Variants in THEMIS observed in about 807,000 individuals in gnomAD.
THEMIS encodes protein THEMIS.
THEMIS carries 37 observed loss-of-function variants against 52.6 expected under a neutral mutation model. The ratio of observed to expected loss-of-function variants is 0.70; its 90% CI spans 0.54 to 0.93. THEMIS has a LOEUF of 0.93. Among genes scored for constraint, THEMIS ranks in the 40% least tolerant of loss-of-function variants. THEMIS has a pLI of 0.00. For synonymous variants in THEMIS, 292 were observed against 272.7 expected, an observed-to-expected ratio of 1.07 and a Z score of -0.70; for missense variants, 808 against 763.1, an observed-to-expected ratio of 1.06 and a Z score of -0.69.
intron 3 of THEMIS, among the ~76,000 whole-genome samples, chr6:127,817,682 C>G (rs1489573576): frequency 6.6e-6 from 1 of 152,076 alleles, no homozygotes; most frequent in Non-Finnish European, 1.5e-5. Context: ...AAACCACCAC[C>G]CCAAAAACTA....
At chr6:127,772,358 G>A (rs1367625429) in intron 4 of THEMIS, among the ~76,000 whole-genome samples, 2 of 151,706 alleles carry the variant, frequency 1.3e-5, no homozygotes, top group African/African-American at 4.8e-5. Context: ...GAATATTCTT[G>A]AATTTTAGTG....
chr6:127,878,785 T>A (rs867163592), intron 1 of THEMIS, among the ~76,000 whole-genome samples: 9 of 152,342 alleles, frequency 5.9e-5, no homozygotes, highest in South Asian at 2.1e-4. Context: ...TCTAAAAACA[T>A]GATGCTTTCT....
At chr6:127,879,709 AAAAG>A (rs1780419454) in intron 1 of THEMIS, among the ~76,000 whole-genome samples, 2 of 151,872 alleles carry the variant, frequency 1.3e-5, no homozygotes, top group East Asian at 1.9e-4. Flanking sequence ...AGGGTGTAGA[AAAAG>A]AAAGAAAAAA....
At chr6:127,832,591 A>T (rs1583328466) in intron 2 of THEMIS, among the ~76,000 whole-genome samples, 1 of 152,046 alleles carries the variant, frequency 6.6e-6, no homozygotes, top group Non-Finnish European at 1.5e-5. Context: ...CTTTTTTTTC[A>T]TCTTTTTCTC....
chr6:127,750,431 T>C (rs1235438796), intron 4 of THEMIS, among the ~76,000 whole-genome samples: 1 of 151,774 alleles, frequency 6.6e-6, no homozygotes, highest in Non-Finnish European at 1.5e-5. Flanking sequence ...GTATGATCAA[T>C]TTGAAAAAGA....
intron 2 of THEMIS, among the ~76,000 whole-genome samples, chr6:127,851,111 A>T (rs1237671786): frequency 6.6e-6 from 1 of 151,538 alleles, no homozygotes; most frequent in Admixed American, 6.6e-5. Context: ...GGCAGAGGAA[A>T]AAAAGTATAA....
At position 127,745,111 on chromosome 6, in the gene THEMIS, C is replaced by T. The variant is rs555320204; in HGVS notation, c.1759-25288G>A. Among the ~76,000 whole-genome samples the T allele has an allele frequency of 2.0e-5, 3 of 152,040 alleles. No individual in the cohort carries two copies. The East Asian group carries it at 5.8e-4, about 29-fold the overall frequency. ...CTTAGAGATATTTAAACAATACTCT[C>T]TTTAATGCCACAAAACAATCAGACA... On this transcript the variant is annotated intron_variant, in intron 4 of 5. Coordinates refer to ENST00000368248, the MANE Select transcript of THEMIS (RefSeq NM_001010923.3).
At chr6:127,781,790 C>A (rs1042400456) in intron 4 of THEMIS, among the ~76,000 whole-genome samples, 1 of 152,102 alleles carries the variant, frequency 6.6e-6, no homozygotes, top group African/African-American at 2.4e-5. Flanking sequence ...GGAGCACCAG[C>A]CAGATTCCAG....
At chr6:127,800,681 C>A (rs1777502004) in intron 4 of THEMIS, among the ~76,000 whole-genome samples, 1 of 152,156 alleles carries the variant, frequency 6.6e-6, no homozygotes, top group Non-Finnish European at 1.5e-5. Flanking sequence ...TGGACACAAT[C>A]AAATCAGCTT....
At chr6:127,746,156 A>T (rs1223772787) in intron 4 of THEMIS, among the ~76,000 whole-genome samples, 3 of 151,886 alleles carry the variant, frequency 2.0e-5, no homozygotes, top group Admixed American at 2.0e-4. Flanking sequence ...ATTATCTATT[A>T]TATAACATTA....
At chr6:127,918,197 C>T (rs943601961) in intron 1 of THEMIS, among the ~76,000 whole-genome samples, 3 of 152,112 alleles carry the variant, frequency 2.0e-5, no homozygotes, top group African/African-American at 7.2e-5. Context: ...TAAACAAACC[C>T]AGGCATAATG....
chr6:127,769,352 GT>G lies in THEMIS; in HGVS notation c.1758+43530del, dbSNP rs200806423. Among the ~76,000 whole-genome samples, 315 of 139,920 alleles carry G rather than the reference GT, an allele frequency of 2.3e-3. 2 individuals carry two copies. Among genetic ancestry groups the G allele is most frequent in the African/African-American group, 6.2e-3 (240 of 38,510 alleles). 91.8% of individuals were successfully genotyped at this position (139,920 alleles called of 152,430 possible). On this transcript the variant is annotated intron_variant, in intron 4 of 5. Coordinates refer to ENST00000368248, the MANE Select transcript of THEMIS (RefSeq NM_001010923.3). ...AATGAAAATAGACCAGTTTTTTTTTGTTTTTTTTTTTTGTTTTTAGTATCTT... is the reference window on the plus strand; with the variant it reads ...AATGAAAATAGACCAGTTTTTTTTTGTTTTTTTTTTTGTTTTTAGTATCTT...
At chr6:127,873,262 TA>T in intron 1 of THEMIS, among the ~76,000 whole-genome samples, 1 of 152,206 alleles carries the variant, frequency 6.6e-6, no homozygotes, top group East Asian at 1.9e-4. Context: ...AACATTTTTG[TA>T]AATTTTTTGT....
At chr6:127,761,095 C>T (rs1776006319) in intron 4 of THEMIS, among the ~76,000 whole-genome samples, 1 of 152,026 alleles carries the variant, frequency 6.6e-6, no homozygotes, top group Admixed American at 6.6e-5. Context: ...GGACTAAGGA[C>T]TTAAGGAGAC....
intron 4 of THEMIS, among the ~76,000 whole-genome samples, chr6:127,745,325 A>G (rs1381359667): frequency 6.6e-6 from 1 of 151,946 alleles, no homozygotes; most frequent in Non-Finnish European, 1.5e-5. Context: ...AGAAACAACC[A>G]TTAAATTGAC....
At chr6:127,832,642 TTATTCTTCC>T (rs1156967370) in intron 2 of THEMIS, among the ~76,000 whole-genome samples, 1 of 152,166 alleles carries the variant, frequency 6.6e-6, no homozygotes, top group Non-Finnish European at 1.5e-5. Flanking sequence ...ATATGCTTTG[TTATTCTTCC>T]AAAGAAAGAC....
intron 4 of THEMIS, among the ~76,000 whole-genome samples, chr6:127,750,946 G>A (rs907558780): frequency 7.3e-5 from 11 of 151,616 alleles, no homozygotes; most frequent in Non-Finnish European, 1.6e-4. Context: ...ATCATCTCTC[G>A]ACCTTACAAG....
chr6:127,849,166 C>T (rs1779331433), intron 2 of THEMIS, among the ~76,000 whole-genome samples: 1 of 151,900 alleles, frequency 6.6e-6, no homozygotes, highest in Admixed American at 6.6e-5. Flanking sequence ...TTCCCAGCAC[C>T]ATTTATTAAA....
intron 4 of THEMIS, among the ~76,000 whole-genome samples, chr6:127,775,564 T>A (rs550956357): frequency 6.6e-4 from 100 of 152,212 alleles, no homozygotes; most frequent in African/African-American, 2.2e-3. Flanking sequence ...AGGCCACAGA[T>A]TTTACTGGCA....
Sources: allele counts gnomAD v4.1 joint callset (sites outside exome capture counted in the v4.1 genomes callset), GRCh38; gene constraint gnomAD v4.1.1; transcripts MANE v1.5; gene names NCBI Gene and HGNC (gene_info 2026-07-23, HGNC 2026-07-21).